The following RNF115 variants were observed in gnomAD, a reference collection of about 807,000 sequenced individuals.
RNF115 encodes ring finger protein 115.
A neutral mutation model predicts 39.2 loss-of-function variants in RNF115; 31 were observed. That is an observed-to-expected ratio of 0.79 (90% CI 0.59 to 1.07). The LOEUF is 1.07. RNF115 is among the 50% of genes least tolerant of loss of function. The pLI, the probability that RNF115 is intolerant of heterozygous loss-of-function variation, is 0.00. For synonymous variants in RNF115, 124 were observed against 131.0 expected (o/e 0.95, Z 0.37); for missense variants, 384 against 381.7 (o/e 1.01, Z -0.05).
At position 145,816,674 on chromosome 1, in the gene RNF115, C is replaced by T. The variant is rs1190876737; in HGVS notation, c.102+7098G>A. On this transcript the variant is annotated intron_variant, in intron 1 of 8. Coordinates refer to ENST00000582693, the MANE Select transcript of RNF115 (RefSeq NM_014455.4). The stretch of plus-strand genomic sequence containing the variant: ...ATTAAAAGCTGATGTAAACTCAATA[C>T]CCAGCCTCTGGTGTTCAGTGAGGAC... 2.7e-5 allele frequency among the ~76,000 whole-genome samples: 4 copies of T among 145,568 alleles called. 1 individual carries two copies. Among genetic ancestry groups the T allele is most frequent in the Non-Finnish European group, 6.2e-5 (4 of 64,812 alleles).
intron 3 of RNF115, 124 bp from the exon 4 acceptor site, chr1:145,772,043 G>A: frequency 1.3e-6 from 1 of 756,300 alleles, no homozygotes; most frequent in South Asian, 1.9e-5. Flanking sequence ...TTCTGCAGAG[G>A]TACCAGAGTT....
intron 1 of RNF115, among the ~76,000 whole-genome samples, chr1:145,807,295 T>TTACA (rs1432967770): frequency 5.9e-5 from 9 of 152,188 alleles, no homozygotes; most frequent in Non-Finnish European, 1.0e-4. Context: ...AGTACTAGTG[T>TTACA]TACAGGACGA....
intron 4 of RNF115, among the ~76,000 whole-genome samples, chr1:145,761,187 T>G (rs1431366454): frequency 1.3e-5 from 2 of 152,128 alleles, no homozygotes; most frequent in Non-Finnish European, 2.9e-5. Context: ...TTTGGAAAAT[T>G]TGTAGCCTAT....
At chr1:145,747,073 T>C in intron 8 of RNF115, 76 bp from the exon 9 acceptor site, 5 of 1,429,788 alleles carry the variant, frequency 3.5e-6, no homozygotes, top group Non-Finnish European at 4.8e-6. Flanking sequence ...TAAATAACCC[T>C]GAGAATTGTC....
chr1:145,805,381 A>G (rs1649417122), intron 1 of RNF115, among the ~76,000 whole-genome samples: 1 of 151,770 alleles, frequency 6.6e-6, no homozygotes, highest in Non-Finnish European at 1.5e-5. Flanking sequence ...AACAAAGAAT[A>G]TTTATAAAAT....
At chr1:145,747,618 G>A (rs782558496) in intron 8 of RNF115, among the ~76,000 whole-genome samples, 6 of 152,164 alleles carry the variant, frequency 3.9e-5, no homozygotes, top group Non-Finnish European at 7.3e-5. Context: ...ACTCCAGTCT[G>A]GGTGACAGAG....
rs782194048 is a variant in RNF115, at chr1:145,742,304, T to G, written c.*4562A>C. Reference sequence around the variant, plus strand: ...GCATGCAGGTCATGAATTATTCAATTTGGTGTCAATAATTTGTCAGAAAAA... The same window carrying G: ...GCATGCAGGTCATGAATTATTCAATGTGGTGTCAATAATTTGTCAGAAAAA... On this transcript the variant is annotated 3_prime_UTR_variant, in exon 9 of 9. Transcript: ENST00000582693. The G allele has an allele frequency of 6.6e-6, 1 of 152,174 alleles. No individual in the cohort carries two copies. Among genetic ancestry groups the G allele is most frequent in the Non-Finnish European group, 1.5e-5 (1 of 68,038 alleles). 9.4% of individuals were successfully genotyped at this position (152,174 alleles called of 1,614,324 possible). A position where few individuals can be genotyped will look rare whatever the true frequency, so the allele number is the denominator to read the frequency against.
At chr1:145,809,310 C>T (rs1570690636) in intron 1 of RNF115, among the ~76,000 whole-genome samples, 1 of 151,536 alleles carries the variant, frequency 6.6e-6, no homozygotes, top group South Asian at 2.1e-4. Context: ...CCTCAGCCTC[C>T]CAAGTAGCTG....
At chr1:145,815,690 T>C (rs1434518934) in intron 1 of RNF115, among the ~76,000 whole-genome samples, 1 of 151,504 alleles carries the variant, frequency 6.6e-6, no homozygotes, top group Non-Finnish European at 1.5e-5. Context: ...TGCTATGGTT[T>C]TGAAAATAAT....
chr1:145,794,318 G>C (rs928544316), intron 1 of RNF115, among the ~76,000 whole-genome samples: 7 of 151,888 alleles, frequency 4.6e-5, no homozygotes, highest in Non-Finnish European at 8.8e-5. Context: ...TGATTTACAA[G>C]GCTGGTCTGT....
chr1:145,754,409 A>C (rs1553712904), intron 4 of RNF115, among the ~76,000 whole-genome samples: 1 of 151,846 alleles, frequency 6.6e-6, no homozygotes, highest in Non-Finnish European at 1.5e-5. Flanking sequence ...GATGGAGTGC[A>C]GAGGCACCAT....
chr1:145,820,483 T>C (rs1650186370), intron 1 of RNF115, among the ~76,000 whole-genome samples: 1 of 150,680 alleles, frequency 6.6e-6, no homozygotes, highest in Non-Finnish European at 1.5e-5. Context: ...CTCACACCTG[T>C]AATCCCACCA....
chr1:145,772,242 A>C, intron 3 of RNF115: 1 of 191,818 alleles, frequency 5.2e-6, no homozygotes. Flanking sequence ...GTTTTTAACA[A>C]TCAGTGAACA....
At chr1:145,754,583 C>T (rs1281476943) in intron 4 of RNF115, among the ~76,000 whole-genome samples, 11 of 151,994 alleles carry the variant, frequency 7.2e-5, no homozygotes, top group African/African-American at 2.4e-4. Flanking sequence ...GTAATCCGCC[C>T]GCCTTGGCCT....
In RNF115 at chr1:145,774,526, T is replaced by C. The variant is rs146713997; in HGVS notation, c.220-2607A>G. Among the ~76,000 whole-genome samples the C allele has an allele frequency of 4.9e-3, 741 of 152,162 alleles. 1 individual carries two copies. The highest frequency in any genetic ancestry group is 0.01 in the Middle Eastern group (3 of 294). Reference sequence around the variant, plus strand: ...CACCACGCCCCGCTAATTTTTTATATTTGCAGTAGAGATGGGGTTTCACCA... The same window carrying C: ...CACCACGCCCCGCTAATTTTTTATACTTGCAGTAGAGATGGGGTTTCACCA... On this transcript the variant is annotated intron_variant, in intron 3 of 8. Transcript: ENST00000582693.
intron 7 of RNF115, among the ~76,000 whole-genome samples, chr1:145,748,758 G>A (rs761857688): frequency 2.6e-5 from 4 of 151,880 alleles, no homozygotes; most frequent in Non-Finnish European, 5.9e-5. Context: ...GATGGTGAGC[G>A]CCTGTAAACC....
At chr1:145,795,472 G>C (rs1460873222) in intron 1 of RNF115, among the ~76,000 whole-genome samples, 1 of 152,070 alleles carries the variant, frequency 6.6e-6, no homozygotes, top group African/African-American at 2.4e-5. Flanking sequence ...ATTTTACAGA[G>C]TGCTGATTGG....
At chr1:145,754,668 G>A (rs921637342) in intron 4 of RNF115, among the ~76,000 whole-genome samples, 1 of 152,018 alleles carries the variant, frequency 6.6e-6, no homozygotes, top group Non-Finnish European at 1.5e-5. Flanking sequence ...TGTCACCCAC[G>A]TTGTACAACA....
Position 145,752,995 on chromosome 1 carries a change from AGATCCAG to A in RNF115, c.476_482del (p.Pro159LeufsTer29). ...TTACTTACCAGGAAAAAGGGTGTGG[AGATCCAG>A]GAATGGCAGAATTTGCAAAGAATCC... On this transcript the variant is annotated frameshift_variant, in exon 5 of 9. Coordinates refer to ENST00000582693, the MANE Select transcript of RNF115 (RefSeq NM_014455.4). LOFTEE classifies it high-confidence loss of function. 1 of 1,608,542 alleles carries A rather than the reference AGATCCAG, an allele frequency of 6.2e-7. No individual in the cohort carries two copies. Among genetic ancestry groups the A allele is most frequent in the Non-Finnish European group, 8.5e-7 (1 of 1,175,044 alleles).
Sources: gnomAD v4.1 joint callset for allele counts (sites outside exome capture counted in the v4.1 genomes callset) on GRCh38, gnomAD v4.1.1 for gene constraint, MANE v1.5 for transcripts, NCBI Gene and HGNC (gene_info 2026-07-23, HGNC 2026-07-21) for gene names.